ZNF484: variants seen among roughly 807,000 people sequenced by gnomAD.
ZNF484 encodes zinc finger protein 484.
Under a neutral mutation model 12.9 loss-of-function variants are expected in ZNF484, and 11 were observed. The observed-to-expected ratio is 0.85, with a 90% CI of 0.54 to 1.41. The LOEUF (loss-of-function observed/expected upper bound fraction) is 1.41. Among genes scored for constraint, ZNF484 ranks in the 40% most tolerant of loss-of-function variants. The probability of loss-of-function intolerance (pLI) is 0.00; values close to 1 mark genes in which losing one functional copy is unlikely to be tolerated. For missense variants in ZNF484, 807 were observed against 1,007.7 expected (o/e 0.80, Z 2.70); for synonymous variants, 289 against 334.1 (o/e 0.86, Z 1.47).
In ZNF484 at chr9:92,846,764, T is replaced by C. The variant is rs752313808; in HGVS notation, c.2023A>G (p.Arg675Gly). ...TGATGTATATGGAGACCTGACTTCC[T>C]AGTGAAGGCTTTCCCACAGTCACTA... ...KCSDCGKAFTRKSGLHIHQQS... is the reference protein window; with the variant it reads ...KCSDCGKAFTGKSGLHIHQQS... Residue 675 changes from arginine to glycine, a missense_variant, in exon 5 of 5, where the codon AGG becomes GGG. Transcript: ENST00000375495. 1 of 1,613,984 alleles carries C rather than the reference T, an allele frequency of 6.2e-7. No homozygotes were observed.
chr9:92,869,013 C>A (rs959830372), intron 2 of ZNF484, among the ~76,000 whole-genome samples: 1 of 152,014 alleles, frequency 6.6e-6, no homozygotes, highest in Non-Finnish European at 1.5e-5. Flanking sequence ...CACAAGCCAC[C>A]GCGCCTGGGT....
Position 92,846,969 on chromosome 9 carries a change from T to C in ZNF484, c.1818A>G (p.Lys606=), listed in dbSNP as rs1486220526. 1 of 1,614,128 alleles carries C rather than the reference T, an allele frequency of 6.2e-7. No homozygotes were observed. The highest frequency in any genetic ancestry group is 8.5e-7 in the Non-Finnish European group (1 of 1,180,024). The change falls in exon 5 of 5, where the codon AAA becomes AAG. Residue 606 remains lysine, a synonymous_variant. Coordinates refer to ENST00000375495, the MANE Select transcript of ZNF484 (RefSeq NM_031486.4). The stretch of plus-strand genomic sequence containing the variant: ...TCCCACAAATACTGCATTCATAGGG[T>C]TTCTCTCCAGTATGAATTCTCTCAT... ...ITHERIHTGE[K]PYECSICGKS...
rs558797862 is a variant in ZNF484 at position 92,872,763 on chromosome 9, T to A, written c.15+2252A>T. On this transcript the variant is annotated intron_variant, in intron 2 of 4. Coordinates refer to ENST00000375495, the MANE Select transcript of ZNF484 (RefSeq NM_031486.4). ...AGACCCATGTTGGCCTTCTAAAATA[T>A]AGAACTGTAAAAAAAAAAAAGTTAT... Among the ~76,000 whole-genome samples the A allele has an allele frequency of 5.3e-5, 7 of 133,018 alleles. No homozygotes were observed. The South Asian group carries it at 1.4e-3, about 27-fold the overall frequency. 87.3% of individuals were successfully genotyped at this position (133,018 alleles called of 152,430 possible). A position where few individuals can be genotyped will look rare whatever the true frequency, so the allele number is the denominator to read the frequency against.
At chr9:92,871,513 TA>T (rs1465345880) in intron 2 of ZNF484, among the ~76,000 whole-genome samples, 2 of 152,190 alleles carry the variant, frequency 1.3e-5, no homozygotes, top group Non-Finnish European at 2.9e-5. Flanking sequence ...GCTGAACAAG[TA>T]TTTGAAGAAA....
chr9:92,875,254 AAAAG>A (rs1470250392), intron 1 of ZNF484, among the ~76,000 whole-genome samples, 195 bp from the exon 2 acceptor site: 1 of 152,274 alleles, frequency 6.6e-6, no homozygotes, highest in Admixed American at 6.5e-5. Context: ...TGGTTAATAA[AAAAG>A]AAAGATTAGA....
rs79872960 is a variant in ZNF484 at position 92,844,386 on chromosome 9, C to A, written c.*1842G>T. ...AATAGATAATAGCTAGGAATTTCCC[C>A]AAATGCACATGTGCACACACGTACA... On this transcript the variant is annotated 3_prime_UTR_variant, in exon 5 of 5. Transcript: ENST00000375495. 0.032 allele frequency among the ~76,000 whole-genome samples: 4,831 copies of A among 152,176 alleles called. 150 individuals carry two copies. Among genetic ancestry groups the A allele is most frequent in the African/African-American group, 0.082 (3,407 of 41,512 alleles).
intron 2 of ZNF484, among the ~76,000 whole-genome samples, chr9:92,858,951 C>T (rs749382352): frequency 1.3e-5 from 2 of 151,772 alleles, no homozygotes; most frequent in Admixed American, 6.6e-5. Flanking sequence ...CGGTGAAACC[C>T]GGTCTCTACT....
In ZNF484 at chr9:92,871,029, C is replaced by T. The variant is rs549750074; in HGVS notation, c.15+3986G>A. Among the ~76,000 whole-genome samples, 11 of 152,258 alleles carry T rather than the reference C, an allele frequency of 7.2e-5. No homozygotes were observed. The South Asian group carries it at 2.1e-3, about 29-fold the overall frequency. On this transcript the variant is annotated intron_variant, in intron 2 of 4. Coordinates refer to ENST00000375495, the MANE Select transcript of ZNF484 (RefSeq NM_031486.4). ...AGTCTCATAATGCCCAAGGTTTCCA[C>T]AATACATTACAAAATCATTTGTAAA...
intron 2 of ZNF484, among the ~76,000 whole-genome samples, chr9:92,870,141 A>G (rs1171435349): frequency 6.6e-6 from 1 of 152,204 alleles, no homozygotes; most frequent in Non-Finnish European, 1.5e-5. Context: ...TGAAAGGTAA[A>G]GAAAAATAGG....
chr9:92,868,966 T>A (rs1171239752), intron 2 of ZNF484, among the ~76,000 whole-genome samples: 1 of 152,110 alleles, frequency 6.6e-6, no homozygotes, highest in Non-Finnish European at 1.5e-5. Flanking sequence ...CCTCAAGTGA[T>A]CCTCCTACCT....
chr9:92,856,459 A>G, intron 2 of ZNF484, 141 bp from the exon 3 acceptor site: 1 of 541,262 alleles, frequency 1.8e-6, no homozygotes. Flanking sequence ...GATACAATAT[A>G]CTATAAAGAA....
intron 4 of ZNF484, among the ~76,000 whole-genome samples, chr9:92,854,098 A>C (rs1157630700): frequency 6.6e-6 from 1 of 152,150 alleles, no homozygotes; most frequent in African/African-American, 2.4e-5. Flanking sequence ...TTTGTCCAGG[A>C]AAAAAAGAGA....
At position 92,847,793 on chromosome 9, in the gene ZNF484, C is replaced by G; in HGVS notation, c.994G>C (p.Asp332His). Residue 332 changes from aspartate (D) to histidine (H), a missense_variant, in exon 5 of 5, where the codon GAC becomes CAC. By Grantham distance (81) the Asp-to-His change is moderately conservative. Transcript: ENST00000375495. ...TTCTGGATAAAGGCTCTTCCATAGTCACTGCATTTATAGTAATTCCCCTCA... is the reference window on the plus strand; with the variant it reads ...TTCTGGATAAAGGCTCTTCCATAGTGACTGCATTTATAGTAATTCCCCTCA... ...PYEGNYYKCS[D>H]YGRAFIQKSD... 1 of 1,614,024 alleles carries G rather than the reference C, an allele frequency of 6.2e-7. No homozygotes were observed. Among genetic ancestry groups the G allele is most frequent in the Non-Finnish European group, 8.5e-7 (1 of 1,180,032 alleles).
chr9:92,845,953 T>A lies in ZNF484; in HGVS notation c.*275A>T. 2.4e-6 allele frequency: 1 copy of A among 417,838 alleles called. No homozygotes were observed. Among genetic ancestry groups the A allele is most frequent in the South Asian group, 3.7e-5 (1 of 26,912 alleles). The allele number at this position is 417,838 out of a possible 1,614,324, so 25.9% of individuals were successfully genotyped here. On this transcript the variant is annotated 3_prime_UTR_variant, in exon 5 of 5. Coordinates refer to ENST00000375495, the MANE Select transcript of ZNF484 (RefSeq NM_031486.4). The surrounding 1 kb of genome is among the most constrained non-coding windows in gnomAD (Gnocchi z 4.0). ...TAAAATTATCTCATCATACTACTCATTATGAATTTTTGCGGGTCAATATTG... is the reference window on the plus strand; with the variant it reads ...TAAAATTATCTCATCATACTACTCAATATGAATTTTTGCGGGTCAATATTG...
chr9:92,855,223 C>T (rs1487172045), intron 4 of ZNF484, among the ~76,000 whole-genome samples: 1 of 151,954 alleles, frequency 6.6e-6, no homozygotes, highest in Admixed American at 6.6e-5. Flanking sequence ...TTAGAAAGAT[C>T]AAGTCAGTGT....
Position 92,848,035 on chromosome 9 carries a change from T to C in ZNF484, c.752A>G (p.Tyr251Cys), listed in dbSNP as rs1346185014. The change falls in exon 5 of 5, where the codon TAT (tyrosine) becomes TGT (cysteine). Residue 251 changes from tyrosine to cysteine, a missense_variant. Physicochemically the swap from Tyr to Cys is radical, Grantham distance 194. Transcript: ENST00000375495. This position sits in a 1 kb window ranked among gnomAD's most constrained non-coding sequence, Gnocchi z 4.1. ...AACATTTACGTAGTCAGAAAACAAA[T>C]AGAGGCTCTCTCTAGTATGAATTTT... Reference protein sequence around the residue: ...QQKIHTRESLYLFSDYVNVFS... With the variant: ...QQKIHTRESLCLFSDYVNVFS... 3.1e-6 allele frequency: 5 copies of C among 1,614,198 alleles called. No homozygotes were observed. Among genetic ancestry groups the C allele is most frequent in the African/African-American group, 1.3e-5 (1 of 75,038 alleles).
chr9:92,850,525 A>G (rs936058768), intron 4 of ZNF484, among the ~76,000 whole-genome samples: 3 of 152,206 alleles, frequency 2.0e-5, no homozygotes, highest in East Asian at 3.8e-4. Flanking sequence ...TTATATTTAT[A>G]TAGCCTCTCT....
chr9:92,855,711 A>G, intron 4 of ZNF484, 100 bp downstream of exon 4: 1 of 1,037,042 alleles, frequency 9.6e-7, no homozygotes, highest in Non-Finnish European at 1.5e-6. Flanking sequence ...AAAAGTCATT[A>G]TTAATGACAC....
Position 92,846,575 on chromosome 9 carries a change from G to A in ZNF484, c.2212C>T (p.His738Tyr), listed in dbSNP as rs1484588008. 6.2e-7 allele frequency: 1 copy of A among 1,613,942 alleles called. No individual in the cohort carries two copies. Among genetic ancestry groups the A allele is most frequent in the Admixed American group, 1.7e-5 (1 of 60,006 alleles). The change falls in exon 5 of 5, where the codon CAC becomes TAC. Residue 738 changes from histidine to tyrosine, a missense_variant. By Grantham distance (83) the His-to-Tyr change is moderately conservative. Coordinates refer to ENST00000375495, the MANE Select transcript of ZNF484 (RefSeq NM_031486.4). ...SFIQKSHLNR[H>Y]RRIHTGEKPY... ...TTCTCTCCAGTATGAATTCTCCTGT[G>A]TCTATTTAAGTGTGACTTCTGGATG...
Sources: gnomAD v4.1 joint callset for allele counts (sites outside exome capture counted in the v4.1 genomes callset) on GRCh38, gnomAD v4.1.1 for gene constraint, Gnocchi (gnomAD v3.1) non-coding constraint, MANE v1.5 for transcripts, NCBI Gene and HGNC (gene_info 2026-07-23, HGNC 2026-07-21) for gene names.